Variants in TUSC3 observed in about 807,000 individuals in gnomAD.
The protein encoded by TUSC3 is dolichyl-diphosphooligosaccharide--protein glycosyltransferase subunit TUSC3.
TUSC3 carries 45 observed loss-of-function variants against 44.8 expected under a neutral mutation model. That is an observed-to-expected ratio of 1.00 (90% CI 0.79 to 1.29). The LOEUF is 1.29. Among genes scored for constraint, TUSC3 ranks in the 50% most tolerant of loss-of-function variants. TUSC3 has a pLI of 0.00. For synonymous variants in TUSC3, 212 were observed against 152.9 expected (o/e 1.39, Z -2.85); for missense variants, 519 against 437.9 (o/e 1.19, Z -1.65).
chr8:15,844,273 C>T, the TUSC3 span, among the ~76,000 whole-genome samples: 2 of 152,056 alleles, frequency 1.3e-5, no homozygotes, highest in African/African-American at 4.8e-5. Context: ...ATTTACTTCC[C>T]TTAGTTATTA....
At chr8:15,789,434 G>C in the TUSC3 span, among the ~76,000 whole-genome samples, 1 of 151,956 alleles carries the variant, frequency 6.6e-6, no homozygotes, top group African/African-American at 2.4e-5. Flanking sequence ...TTTAATTGTA[G>C]GTTCATTTAT....
the TUSC3 span, among the ~76,000 whole-genome samples, chr8:15,848,097 A>G: frequency 6.6e-6 from 1 of 151,984 alleles, no homozygotes; most frequent in African/African-American, 2.4e-5. Context: ...CCCCGTGCCA[A>G]TACTGGCCTA....
intron 2 of TUSC3, among the ~76,000 whole-genome samples, chr8:15,646,725 G>C (rs1172926369): frequency 1.3e-5 from 2 of 152,034 alleles, no homozygotes; most frequent in Non-Finnish European, 2.9e-5. Context: ...TTTGCACACA[G>C]GTAGGCTAGG....
intron 2 of TUSC3, among the ~76,000 whole-genome samples, chr8:15,500,865 A>G (rs1196170942): frequency 1.3e-5 from 2 of 152,210 alleles, no homozygotes; most frequent in East Asian, 1.9e-4. Flanking sequence ...CTTTCTTTCA[A>G]CTGGTCACTA....
chr8:15,740,563 G>A (rs1443257272), intron 7 of TUSC3, among the ~76,000 whole-genome samples: 1 of 150,650 alleles, frequency 6.6e-6, no homozygotes, highest in Non-Finnish European at 1.5e-5. Context: ...ACCCAAAAAA[G>A]AGGAATGAAC....
chr8:15,540,253 A>C, upstream of TUSC3: 1 of 863,414 alleles, frequency 1.2e-6, no homozygotes, highest in Non-Finnish European at 1.6e-6. Context: ...GGTGAACCGG[A>C]TGCTCTGTCA....
intron 1 of TUSC3, among the ~76,000 whole-genome samples, chr8:15,554,401 G>C (rs1802164790): frequency 6.6e-6 from 1 of 151,518 alleles, no homozygotes; most frequent in Non-Finnish European, 1.5e-5. Context: ...TGTGCTGACT[G>C]GGAATGTTTG....
At chr8:15,474,883 A>C (rs1001140830) in intron 1 of TUSC3, among the ~76,000 whole-genome samples, 1 of 152,188 alleles carries the variant, frequency 6.6e-6, no homozygotes, top group African/African-American at 2.4e-5. Context: ...TAGCCTCCTA[A>C]CAACCAGCAT....
the TUSC3 span, among the ~76,000 whole-genome samples, chr8:15,852,016 C>T: frequency 4.9e-4 from 74 of 152,162 alleles, no homozygotes; most frequent in Non-Finnish European, 2.6e-4. Flanking sequence ...GTGCCTTTTG[C>T]CTTCCACCAT....
chr8:15,477,146 A>G (rs1800586672), intron 1 of TUSC3, among the ~76,000 whole-genome samples: 1 of 152,068 alleles, frequency 6.6e-6, no homozygotes, highest in South Asian at 2.1e-4. Context: ...GTTTCTTTTG[A>G]TTTAGTTCTG....
chr8:15,692,490 T>C (rs1808961516), intron 6 of TUSC3, among the ~76,000 whole-genome samples: 1 of 151,090 alleles, frequency 6.6e-6, no homozygotes, highest in Admixed American at 6.6e-5. Flanking sequence ...CTTTTTCTTG[T>C]TGTTAGGCTT....
intron 9 of TUSC3, among the ~76,000 whole-genome samples, chr8:15,750,943 G>C (rs553845445): frequency 3.9e-5 from 6 of 152,178 alleles, no homozygotes; most frequent in Admixed American, 3.9e-4. Flanking sequence ...CCCTAAGGAG[G>C]AGCTGCCAAG....
chr8:15,790,318 TG>T, the TUSC3 span, among the ~76,000 whole-genome samples: 1 of 150,940 alleles, frequency 6.6e-6, no homozygotes, highest in Admixed American at 6.7e-5. Context: ...CCCAAGTAGC[TG>T]GGACTACAGG....
At chr8:15,740,757 CCT>C (rs1002268218) in intron 7 of TUSC3, among the ~76,000 whole-genome samples, 2 of 152,114 alleles carry the variant, frequency 1.3e-5, no homozygotes, top group African/African-American at 4.8e-5. Flanking sequence ...ACTTACCAAA[CCT>C]CTCAAAAATT....
intron 1 of TUSC3, among the ~76,000 whole-genome samples, chr8:15,586,283 G>A (rs1803599558): frequency 6.6e-6 from 1 of 152,148 alleles, no homozygotes; most frequent in African/African-American, 2.4e-5. Context: ...TTTGAGAGAA[G>A]CTTGTATAAG....
intron 1 of TUSC3, among the ~76,000 whole-genome samples, chr8:15,542,285 A>G (rs1416891754): frequency 6.6e-6 from 1 of 152,130 alleles, no homozygotes; most frequent in East Asian, 1.9e-4. Flanking sequence ...CCATGGTTTT[A>G]TTAGCCAGAT....
chr8:15,795,858 T>C, the TUSC3 span, among the ~76,000 whole-genome samples: 1 of 152,178 alleles, frequency 6.6e-6, no homozygotes, highest in Admixed American at 6.5e-5. Context: ...GCCAGTCCAA[T>C]CTGTCCTTTA....
At chr8:15,730,027 A>G (rs1810653821) in intron 6 of TUSC3, among the ~76,000 whole-genome samples, 1 of 152,162 alleles carries the variant, frequency 6.6e-6, no homozygotes, top group Admixed American at 6.6e-5. Context: ...TATTTAAAAC[A>G]ACTGCACAGT....
Position 15,486,995 on chromosome 8 carries a change from A to AAG in TUSC3, n.189+3514_189+3515dup, listed in dbSNP as rs572686907. On this transcript the variant is annotated intron_variant and non_coding_transcript_variant, in intron 2 of 5. Coordinates refer to the TUSC3 transcript ENST00000503191. ...GTCATCTAACACACTATCTTATTTGAAGAAGCAGAAATGTGTGCACTGAAA... is the reference window on the plus strand; with the variant it reads ...GTCATCTAACACACTATCTTATTTGAAGAGAAGCAGAAATGTGTGCACTGAAA... Among the ~76,000 whole-genome samples the AAG allele has an allele frequency of 7.3e-3, 1,109 of 152,288 alleles. 5 individuals are homozygous for AAG. The highest frequency in any genetic ancestry group is 0.011 in the Non-Finnish European group (730 of 68,022).
Sources: gnomAD v4.1 joint callset for allele counts (sites outside exome capture counted in the v4.1 genomes callset) on GRCh38, gnomAD v4.1.1 for gene constraint, MANE v1.5 for transcripts, NCBI Gene and HGNC (gene_info 2026-07-23, HGNC 2026-07-21) for gene names.